DACH1: variants seen among roughly 807,000 people sequenced by gnomAD.
The protein encoded by DACH1 is dachshund homolog 1.
A neutral mutation model predicts 54.2 loss-of-function variants in DACH1; 12 were observed. The ratio of observed to expected loss-of-function variants is 0.22; its 90% CI spans 0.14 to 0.36. The LOEUF (loss-of-function observed/expected upper bound fraction) is 0.36, where lower values mean the gene tolerates loss of function less well. DACH1 is among the 10% of genes least tolerant of loss of function. The probability of loss-of-function intolerance (pLI) is 1.00; values close to 1 mark genes in which losing one functional copy is unlikely to be tolerated. For synonymous variants in DACH1, 386 were observed against 366.2 expected (o/e 1.05, Z -0.62); for missense variants, 805 against 929.8 (o/e 0.87, Z 1.75).
chr13:71,705,335 C>T (rs1225529222), intron 1 of DACH1, among the ~76,000 whole-genome samples: 2 of 151,790 alleles, frequency 1.3e-5, no homozygotes, highest in East Asian at 1.9e-4. Context: ...CTAGAAAATG[C>T]TCTAAAGCGC....
chr13:71,786,433 C>G (rs1402856783), intron 1 of DACH1, among the ~76,000 whole-genome samples: 2 of 152,056 alleles, frequency 1.3e-5, no homozygotes, highest in Middle Eastern at 3.2e-3. Context: ...TATATTTTGT[C>G]AGATGAGAAA....
intron 3 of DACH1, among the ~76,000 whole-genome samples, chr13:71,604,800 T>C (rs914213561): frequency 1.3e-5 from 2 of 151,894 alleles, no homozygotes; most frequent in Non-Finnish European, 2.9e-5. Flanking sequence ...AGCTCTAGCA[T>C]CATATTCTGC....
intron 6 of DACH1, among the ~76,000 whole-genome samples, chr13:71,554,285 T>C (rs1884097290): frequency 6.6e-6 from 1 of 152,124 alleles, no homozygotes; most frequent in Non-Finnish European, 1.5e-5. Context: ...ACTAGAATAG[T>C]ATCAAAATCT....
chr13:71,726,806 C>T (rs1206181964), intron 1 of DACH1, among the ~76,000 whole-genome samples: 1 of 151,756 alleles, frequency 6.6e-6, no homozygotes, highest in Non-Finnish European at 1.5e-5. Context: ...TCTAATATAT[C>T]TCTTATTAAA....
At chr13:71,822,288 G>T (rs907290973) in intron 1 of DACH1, among the ~76,000 whole-genome samples, 1 of 152,150 alleles carries the variant, frequency 6.6e-6, no homozygotes, top group Non-Finnish European at 1.5e-5. Context: ...ACTCACAAAA[G>T]TTCAAAATAA....
chr13:71,675,980 ATACAT>A (rs1880541311), intron 2 of DACH1, among the ~76,000 whole-genome samples: 1 of 152,198 alleles, frequency 6.6e-6, no homozygotes, highest in Non-Finnish European at 1.5e-5. Context: ...TGCTATTAAA[ATACAT>A]TAAACTATAA....
At chr13:71,630,419 T>C (rs750815384) in intron 3 of DACH1, 137 bp downstream of exon 3, 27 of 1,303,432 alleles carry the variant, frequency 2.1e-5, no homozygotes, top group Non-Finnish European at 2.7e-5. Context: ...CAAAATGGTA[T>C]CCTCAAACAT....
At chr13:71,549,224 C>A (rs1295671968) in intron 6 of DACH1, among the ~76,000 whole-genome samples, 1 of 151,986 alleles carries the variant, frequency 6.6e-6, no homozygotes, top group Non-Finnish European at 1.5e-5. Flanking sequence ...TTAAATGAAG[C>A]AAATTTCAAT....
chr13:71,541,360 T>C (rs904172890), intron 6 of DACH1, among the ~76,000 whole-genome samples: 19 of 152,086 alleles, frequency 1.2e-4, no homozygotes, highest in African/African-American at 4.1e-4. Flanking sequence ...TATTGTATGT[T>C]TGAGCTTATT....
At chr13:71,441,820 T>C (rs970384794) in intron 10 of DACH1, among the ~76,000 whole-genome samples, 3 of 152,134 alleles carry the variant, frequency 2.0e-5, no homozygotes, top group Admixed American at 2.0e-4. Context: ...TCGTACTTCA[T>C]AGAAATATTG....
chr13:71,676,453 G>A (rs1041593339), intron 2 of DACH1, among the ~76,000 whole-genome samples: 1 of 152,114 alleles, frequency 6.6e-6, no homozygotes, highest in Admixed American at 6.6e-5. Flanking sequence ...CCTGACCTCA[G>A]GTGATCCACC....
At chr13:71,547,466 T>A (rs2325422) in intron 6 of DACH1, among the ~76,000 whole-genome samples, 2,375 of 152,236 alleles carry the variant, frequency 0.016, 23 homozygotes, top group Middle Eastern at 0.044. Context: ...ACTTGTTTAA[T>A]ATTCTGAAAC....
intron 2 of DACH1, among the ~76,000 whole-genome samples, chr13:71,638,352 G>A (rs937012065): frequency 3.9e-5 from 6 of 152,202 alleles, no homozygotes; most frequent in Admixed American, 3.9e-4. Flanking sequence ...GAGGAAAATC[G>A]AACATGTGGC....
intron 1 of DACH1, among the ~76,000 whole-genome samples, chr13:71,847,942 G>A (rs768156995): frequency 1.3e-5 from 2 of 152,088 alleles, no homozygotes; most frequent in African/African-American, 2.4e-5. Context: ...TTTTCAAAAC[G>A]GGAGACTACA....
chr13:71,545,116 G>T (rs1220780115), intron 6 of DACH1, among the ~76,000 whole-genome samples: 2 of 151,982 alleles, frequency 1.3e-5, no homozygotes, highest in African/African-American at 4.8e-5. Flanking sequence ...AAACAAACTT[G>T]CTTTTTTCAA....
intron 10 of DACH1, among the ~76,000 whole-genome samples, chr13:71,472,864 A>T (rs1877206319): frequency 6.6e-6 from 1 of 152,012 alleles, no homozygotes. Flanking sequence ...TCTTTCTTTG[A>T]TTGCTTTTGT....
At position 71,540,977 on chromosome 13, in the gene DACH1, CTA is replaced by C. The variant is rs199916356; in HGVS notation, c.1570+16045_1570+16046del. ...TAATATGCCTATTATAAAGGAAATGCTATGTTTTTTATTTTATGTATTGTTAA... is the reference window on the plus strand; with the variant it reads ...TAATATGCCTATTATAAAGGAAATGCTGTTTTTTATTTTATGTATTGTTAA... On this transcript the variant is annotated intron_variant, in intron 6 of 10. Transcript: ENST00000613252. Among the ~76,000 whole-genome samples, 1,382 of 151,838 alleles carry C rather than the reference CTA, an allele frequency of 9.1e-3. 25 individuals carry two copies. Among genetic ancestry groups the C allele is most frequent in the African/African-American group, 0.031 (1,272 of 41,476 alleles).
chr13:71,520,658 C>T (rs1331030), intron 6 of DACH1, among the ~76,000 whole-genome samples: 140,965 of 151,650 alleles, frequency 0.93, 66,406 homozygotes, highest in East Asian at 1. Context: ...TAGACAATTA[C>T]ATATAAAATC....
intron 2 of DACH1, among the ~76,000 whole-genome samples, chr13:71,655,994 A>G (rs1046959668): frequency 1.3e-5 from 2 of 152,234 alleles, no homozygotes; most frequent in Non-Finnish European, 2.9e-5. Flanking sequence ...TAATTGGCCA[A>G]TAATTTAATG....
Sources: allele counts gnomAD v4.1 joint callset (sites outside exome capture counted in the v4.1 genomes callset), GRCh38; gene constraint gnomAD v4.1.1; transcripts MANE v1.5; gene names NCBI Gene and HGNC (gene_info 2026-07-23, HGNC 2026-07-21).